Variants in THOC7 observed in about 807,000 individuals in gnomAD.
THOC7 encodes the protein THO complex subunit 7.
A neutral mutation model predicts 33.1 loss-of-function variants in THOC7; 22 were observed. That is an observed-to-expected ratio of 0.66 (90% CI 0.47 to 0.95). THOC7 has a LOEUF of 0.95. Ranked by LOEUF, THOC7 falls within the 40% of genes least tolerant of loss-of-function variation. The pLI, the probability that THOC7 is intolerant of heterozygous loss-of-function variation, is 0.00. For synonymous variants in THOC7, 77 were observed against 76.8 expected, an observed-to-expected ratio of 1.00 and a Z score of -0.01; for missense variants, 184 against 245.3, an observed-to-expected ratio of 0.75 and a Z score of 1.67.
At chr3:63,864,231 C>G (rs1422835499), upstream of THOC7, among the ~76,000 whole-genome samples, 3 of 150,078 alleles carry the variant, frequency 2.0e-5, no homozygotes, top group East Asian at 2.0e-4. Context: ...GTCGGGGTCC[C>G]GGCTTCTTCC....
chr3:63,837,856 T>C (rs1298934119), intron 4 of THOC7, 120 bp downstream of exon 4: 4 of 761,006 alleles, frequency 5.3e-6, no homozygotes, highest in Non-Finnish European at 8.1e-6. Context: ...AATTAAAATT[T>C]GGATTTTTTT....
At chr3:63,841,482 A>G (rs1226326056) in intron 1 of THOC7, among the ~76,000 whole-genome samples, 3 of 152,210 alleles carry the variant, frequency 2.0e-5, no homozygotes, top group Non-Finnish European at 4.4e-5. Context: ...ATCTTTAAAC[A>G]ATAGTTCCTG....
intron 1 of THOC7, chr3:63,863,547 C>A: frequency 8.4e-7 from 1 of 1,195,014 alleles, no homozygotes; most frequent in Non-Finnish European, 1.0e-6. Flanking sequence ...CGGGGAAAGC[C>A]GAGGGTCTCC....
intron 1 of THOC7, among the ~76,000 whole-genome samples, chr3:63,853,148 C>T (rs1702048597): frequency 7.3e-6 from 1 of 137,084 alleles, no homozygotes; most frequent in African/African-American, 2.7e-5. Flanking sequence ...GAGACTCTGT[C>T]TCAAAAAAGA....
At chr3:63,843,764 G>T (rs1164347509) in intron 1 of THOC7, among the ~76,000 whole-genome samples, 3 of 152,108 alleles carry the variant, frequency 2.0e-5, no homozygotes, top group Admixed American at 1.3e-4. Context: ...AGCCAGGCAT[G>T]GTGGCTGGTG....
At chr3:63,857,728 C>T (rs964299535) in intron 1 of THOC7, among the ~76,000 whole-genome samples, 3 of 152,172 alleles carry the variant, frequency 2.0e-5, no homozygotes, top group African/African-American at 7.2e-5. Context: ...GACTGGTCTA[C>T]ATAAATTGCT....
intron 3 of THOC7, 125 bp from the exon 4 acceptor site, chr3:63,838,187 G>C (rs1316739991): frequency 1.0e-6 from 1 of 990,568 alleles, no homozygotes; most frequent in Non-Finnish European, 1.5e-6. Context: ...TTAAAAAATA[G>C]CTGTAACCCA....
At chr3:63,839,605 C>T (rs781613067) in intron 2 of THOC7, 51 bp downstream of exon 2, 3 of 1,524,154 alleles carry the variant, frequency 2.0e-6, no homozygotes, top group Non-Finnish European at 2.7e-6. Context: ...AATATAGGGC[C>T]TAAAATCACA....
chr3:63,835,790 T>C (rs1701619978), intron 5 of THOC7, among the ~76,000 whole-genome samples: 1 of 152,094 alleles, frequency 6.6e-6, no homozygotes. Context: ...TTATCTCCTC[T>C]ACCTCCCACT....
At chr3:63,851,583 G>A (rs1271176837) in intron 1 of THOC7, among the ~76,000 whole-genome samples, 2 of 152,174 alleles carry the variant, frequency 1.3e-5, no homozygotes, top group Non-Finnish European at 2.9e-5. Flanking sequence ...AATCTTCCGT[G>A]GGTATAATAA....
intron 1 of THOC7, among the ~76,000 whole-genome samples, chr3:63,846,882 A>G (rs1219345098): frequency 6.6e-6 from 1 of 152,166 alleles, no homozygotes; most frequent in African/African-American, 2.4e-5. Context: ...GCAAAACCCA[A>G]AAGACTGCAA....
intron 1 of THOC7, among the ~76,000 whole-genome samples, chr3:63,840,796 T>C (rs1350001285): frequency 6.6e-6 from 1 of 152,196 alleles, no homozygotes; most frequent in East Asian, 1.9e-4. Context: ...CTGATAAAAC[T>C]GTTGGCAAGG....
At chr3:63,859,297 TC>T in intron 1 of THOC7, among the ~76,000 whole-genome samples, 1 of 152,230 alleles carries the variant, frequency 6.6e-6, no homozygotes. Flanking sequence ...TCCTATCATT[TC>T]TAAATGCCCA....
At chr3:63,856,024 T>C (rs1161124781) in intron 1 of THOC7, among the ~76,000 whole-genome samples, 4 of 152,236 alleles carry the variant, frequency 2.6e-5, no homozygotes, top group Non-Finnish European at 5.9e-5. Context: ...AGTACGCGAA[T>C]ATATCTATGC....
intron 2 of THOC7, 115 bp downstream of exon 2, chr3:63,839,541 T>C: frequency 1.2e-6 from 1 of 848,644 alleles, no homozygotes; most frequent in Admixed American, 2.1e-5. Context: ...AATTAAGAGT[T>C]GACTCCACTG....
At chr3:63,842,922 C>T (rs1177190589) in intron 1 of THOC7, among the ~76,000 whole-genome samples, 5 of 151,982 alleles carry the variant, frequency 3.3e-5, no homozygotes, top group Non-Finnish European at 7.4e-5. Context: ...GCTGTGACTA[C>T]ACATGCAGGC....
At chr3:63,859,810 A>AT (rs910961723) in intron 1 of THOC7, among the ~76,000 whole-genome samples, 1 of 152,178 alleles carries the variant, frequency 6.6e-6, no homozygotes, top group Non-Finnish European at 1.5e-5. Flanking sequence ...TGATTTTTTC[A>AT]AAAGCTCAGC....
chr3:63,834,024 T>A lies in THOC7; in HGVS notation c.*108A>T. ...AATACATTCATACTTAAAAACAGAG[T>A]ATTTTACTGCCAAAACTTTAAATAT... On this transcript the variant is annotated 3_prime_UTR_variant, in exon 8 of 8. Transcript: ENST00000295899. 1 of 1,023,796 alleles carries A rather than the reference T, an allele frequency of 9.8e-7. No homozygotes were observed. The highest frequency in any genetic ancestry group is 1.6e-5 in the South Asian group (1 of 62,220). The allele number at this position is 1,023,796 out of a possible 1,614,324, so 63.4% of individuals were successfully genotyped here.
intron 1 of THOC7, among the ~76,000 whole-genome samples, chr3:63,842,724 G>GA (rs920382677): frequency 1.8e-4 from 27 of 150,372 alleles, no homozygotes; most frequent in East Asian, 9.8e-4. Flanking sequence ...AGGGGTGAGG[G>GA]AAAAAAAAAC....
Sources: allele counts gnomAD v4.1 joint callset (sites outside exome capture counted in the v4.1 genomes callset), GRCh38; gene constraint gnomAD v4.1.1; transcripts MANE v1.5; gene names NCBI Gene and HGNC (gene_info 2026-07-23, HGNC 2026-07-21).